The following CDC14A variants were observed in gnomAD, a reference collection of about 807,000 sequenced individuals.
CDC14A encodes the protein dual specificity protein phosphatase CDC14A.
Under a neutral mutation model 74.4 loss-of-function variants are expected in CDC14A, and 53 were observed. The ratio of observed to expected loss-of-function variants is 0.71; its 90% CI spans 0.57 to 0.89. The LOEUF is 0.89. CDC14A is among the 40% of genes least tolerant of loss of function. The pLI is 0.00. For missense variants in CDC14A, 646 were observed against 713.7 expected, an observed-to-expected ratio of 0.91 and a Z score of 1.08; for synonymous variants, 247 against 258.4, an observed-to-expected ratio of 0.96 and a Z score of 0.43.
chr1:100,499,745 G>C (rs372634453), intron 15 of CDC14A, among the ~76,000 whole-genome samples: 1 of 152,174 alleles, frequency 6.6e-6, no homozygotes, highest in African/African-American at 2.4e-5. Flanking sequence ...AAGGTGCTGA[G>C]TGAACAGTAT....
intron 4 of CDC14A, among the ~76,000 whole-genome samples, chr1:100,394,517 C>T (rs888402821): frequency 2.0e-5 from 3 of 152,140 alleles, no homozygotes; most frequent in Admixed American, 6.5e-5. Flanking sequence ...AAATTAGATG[C>T]GTTGAGCTTG....
chr1:100,472,230 A>G (rs997655152), intron 10 of CDC14A, among the ~76,000 whole-genome samples: 4 of 152,176 alleles, frequency 2.6e-5, no homozygotes, highest in Non-Finnish European at 4.4e-5. Context: ...CTCATTAGCT[A>G]TTTCTTATCT....
Position 100,420,053 on chromosome 1 carries a change from CA to C in CDC14A, c.310-4168del, listed in dbSNP as rs1345214332. Among the ~76,000 whole-genome samples, 19 of 18,372 alleles carry C rather than the reference CA, an allele frequency of 1.0e-3. 1 individual carries two copies. Among genetic ancestry groups the C allele is most frequent in the African/African-American group, 3.7e-3 (19 of 5,170 alleles). 12.1% of individuals were successfully genotyped at this position (18,372 alleles called of 152,430 possible). A position where few individuals can be genotyped will look rare whatever the true frequency, so the allele number is the denominator to read the frequency against. On this transcript the variant is annotated intron_variant, in intron 4 of 15. Transcript: ENST00000336454. ...ATATACACACACACACACACACACA[CA>C]CACACACACATATATATATATATAT...
chr1:100,496,264 G>A (rs577201008), intron 13 of CDC14A, among the ~76,000 whole-genome samples: 1 of 152,040 alleles, frequency 6.6e-6, no homozygotes, highest in African/African-American at 2.4e-5. Context: ...GGACTGTGTG[G>A]TGGTGGTAGA....
At chr1:100,465,397 T>C (rs753062476) in intron 9 of CDC14A, among the ~76,000 whole-genome samples, 3 of 152,208 alleles carry the variant, frequency 2.0e-5, no homozygotes, top group Non-Finnish European at 4.4e-5. Context: ...CACACACACG[T>C]AGGATTCTTT....
intron 4 of CDC14A, among the ~76,000 whole-genome samples, chr1:100,391,851 T>G (rs1440412615): frequency 2.0e-5 from 3 of 152,186 alleles, no homozygotes; most frequent in African/African-American, 7.2e-5. Context: ...GGGCCTTGCT[T>G]GTAGCACTGA....
At chr1:100,416,361 C>A (rs1011867714) in intron 4 of CDC14A, among the ~76,000 whole-genome samples, 17 of 152,240 alleles carry the variant, frequency 1.1e-4, no homozygotes, top group Admixed American at 1.1e-3. Context: ...TACTTTGTTG[C>A]AGAAAGACAT....
At chr1:100,349,480 T>C (rs1033189211), upstream of CDC14A, among the ~76,000 whole-genome samples, 12 of 152,238 alleles carry the variant, frequency 7.9e-5, no homozygotes, top group African/African-American at 2.9e-4. Flanking sequence ...GACCTCAGGA[T>C]AACTGAGAGA....
At chr1:100,394,813 A>C (rs1658241427) in intron 4 of CDC14A, among the ~76,000 whole-genome samples, 1 of 152,246 alleles carries the variant, frequency 6.6e-6, no homozygotes, top group South Asian at 2.1e-4. Flanking sequence ...GTGGATCCTT[A>C]AAGAGAATTT....
At chr1:100,478,376 A>T (rs1046868143) in intron 10 of CDC14A, among the ~76,000 whole-genome samples, 2 of 152,034 alleles carry the variant, frequency 1.3e-5, no homozygotes, top group Non-Finnish European at 2.9e-5. Context: ...TCTATCTGTG[A>T]TAGATAACCT....
At chr1:100,351,872 T>C, upstream of CDC14A, 1 of 1,409,210 alleles carries the variant, frequency 7.1e-7, no homozygotes, top group South Asian at 1.2e-5. Flanking sequence ...TTTTCAATTG[T>C]ATTTTTTATA....
At chr1:100,421,062 T>A (rs1662308288) in intron 4 of CDC14A, among the ~76,000 whole-genome samples, 1 of 152,196 alleles carries the variant, frequency 6.6e-6, no homozygotes, top group Non-Finnish European at 1.5e-5. Context: ...AGGGCAATTT[T>A]ATCAAAGTCG....
Position 100,345,458 on chromosome 1 carries a change from T to C in CDC14A, c.-126+275T>C, listed in dbSNP as rs114356959. 1.7e-3 allele frequency among the ~76,000 whole-genome samples: 266 copies of C among 152,318 alleles called. 1 individual carries two copies. Among genetic ancestry groups the C allele is most frequent in the African/African-American group, 6.2e-3 (259 of 41,574 alleles). ...TATTCTTGTGAGTTAGAAATTATTA[T>C]AATTTCTATTTAATATCAGAAGAAA... is the stretch of plus-strand genomic sequence containing the variant. On this transcript the variant is annotated intron_variant, in intron 1 of 14. Coordinates refer to the CDC14A transcript ENST00000635056.
intron 5 of CDC14A, among the ~76,000 whole-genome samples, chr1:100,428,334 G>A (rs1315411160): frequency 6.6e-6 from 1 of 152,138 alleles, no homozygotes; most frequent in Non-Finnish European, 1.5e-5. Flanking sequence ...CACTTTTACT[G>A]AGAATAGCCA....
rs1236867306 is a variant in CDC14A at position 100,517,816 on chromosome 1, TG to T, written c.1756-434del. Reference sequence around the variant, plus strand: ...TTATTTAAATGGCTGCTAATTCTACTGCATTAGAAGCATGCCATTGATATGT... The same window carrying T: ...TTATTTAAATGGCTGCTAATTCTACTCATTAGAAGCATGCCATTGATATGT... On this transcript the variant is annotated intron_variant, in intron 15 of 15. Coordinates refer to ENST00000336454, the MANE Select transcript of CDC14A (RefSeq NM_003672.4). Among the ~76,000 whole-genome samples, 3 of 152,218 alleles carry T rather than the reference TG, an allele frequency of 2.0e-5. No homozygotes were observed. In the East Asian group the frequency reaches 5.8e-4, roughly 29 times the overall value.
intron 8 of CDC14A, among the ~76,000 whole-genome samples, chr1:100,457,284 T>TA (rs1194595949): frequency 6.6e-6 from 1 of 152,220 alleles, no homozygotes; most frequent in Non-Finnish European, 1.5e-5. Flanking sequence ...AATTTTTTTT[T>TA]AACAAAAGTG....
At chr1:100,472,061 C>A (rs186180946) in intron 10 of CDC14A, among the ~76,000 whole-genome samples, 147 of 152,182 alleles carry the variant, frequency 9.7e-4, no homozygotes, top group African/African-American at 3.5e-3. Context: ...ATATTTACAT[C>A]ACATAATAAT....
intron 2 of CDC14A, 148 bp from the exon 3 acceptor site, chr1:100,377,398 T>A: frequency 1.6e-6 from 1 of 625,002 alleles, no homozygotes; most frequent in East Asian, 2.8e-5. Flanking sequence ...ACGAAACCAT[T>A]AGTTATTTGG....
intron 3 of CDC14A, among the ~76,000 whole-genome samples, chr1:100,388,965 A>G (rs886644369): frequency 4.6e-5 from 7 of 152,106 alleles, no homozygotes; most frequent in African/African-American, 1.7e-4. Context: ...ACTTAAGCCC[A>G]GGAGTTCGAG....
Sources: allele counts gnomAD v4.1 joint callset (sites outside exome capture counted in the v4.1 genomes callset), GRCh38; gene constraint gnomAD v4.1.1; transcripts MANE v1.5; gene names NCBI Gene and HGNC (gene_info 2026-07-23, HGNC 2026-07-21).